Variants in CAMTA1 observed in about 807,000 individuals in gnomAD.
The protein encoded by CAMTA1 is calmodulin-binding transcription activator 1.
Under a neutral mutation model 170.9 loss-of-function variants are expected in CAMTA1, and 27 were observed. The ratio of observed to expected loss-of-function variants is 0.16; its 90% CI spans 0.12 to 0.22. CAMTA1 has a LOEUF of 0.22. Among genes scored for constraint, CAMTA1 ranks in the 10% least tolerant of loss-of-function variants. The probability of loss-of-function intolerance (pLI) is 1.00; values close to 1 mark genes in which losing one functional copy is unlikely to be tolerated. For missense variants in CAMTA1, 1,619 were observed against 2,217.2 expected (o/e 0.73, Z 5.42); for synonymous variants, 833 against 891.5 (o/e 0.93, Z 1.17).
chr1:7,236,131 C>T (rs1488578810), intron 4 of CAMTA1, among the ~76,000 whole-genome samples: 1 of 152,098 alleles, frequency 6.6e-6, no homozygotes, highest in Non-Finnish European at 1.5e-5. Context: ...TCGTGAAGAC[C>T]CCTGTAAACA....
At chr1:7,625,655 C>A (rs2095628459) in intron 6 of CAMTA1, among the ~76,000 whole-genome samples, 1 of 152,266 alleles carries the variant, frequency 6.6e-6, no homozygotes, top group Non-Finnish European at 1.5e-5. Context: ...TCGCAATGGG[C>A]TGGCATAGGG....
rs938820329 is a variant in CAMTA1, at chr1:7,455,816, C to T, written c.439-12014C>T. On this transcript the variant is annotated intron_variant, in intron 5 of 22. Coordinates refer to ENST00000303635, the MANE Select transcript of CAMTA1 (RefSeq NM_015215.4). The surrounding 1 kb of genome is among the most constrained non-coding windows in gnomAD (Gnocchi z 5.0). ...GATTTCTGGGCAGCACTTGGCCCTC[C>T]GTGCCGTCCAGAATGGCCTCGGGGA... Among the ~76,000 whole-genome samples, 1 of 152,234 alleles carries T rather than the reference C, an allele frequency of 6.6e-6. No individual in the cohort carries two copies. Among genetic ancestry groups the T allele is most frequent in the Non-Finnish European group, 1.5e-5 (1 of 68,044 alleles).
intron 5 of CAMTA1, among the ~76,000 whole-genome samples, chr1:7,432,360 A>G (rs1463419807): frequency 6.6e-6 from 1 of 152,188 alleles, no homozygotes; most frequent in Non-Finnish European, 1.5e-5. Context: ...CTAACTATAA[A>G]TTGGTGTCCC....
At chr1:7,491,425 C>T (rs7549997) in intron 6 of CAMTA1, among the ~76,000 whole-genome samples, 6,515 of 152,260 alleles carry the variant, frequency 0.043, 451 homozygotes, top group African/African-American at 0.15. Flanking sequence ...TGAATCCCCC[C>T]GCCCATGTTT....
chr1:7,536,719 C>G (rs1457518381), intron 6 of CAMTA1, among the ~76,000 whole-genome samples: 1 of 152,138 alleles, frequency 6.6e-6, no homozygotes, highest in Non-Finnish European at 1.5e-5. Flanking sequence ...GCTTTCTGCA[C>G]GGCAGGCGCG....
intron 4 of CAMTA1, among the ~76,000 whole-genome samples, chr1:7,149,114 C>T (rs1244503267): frequency 2.6e-5 from 4 of 152,174 alleles, no homozygotes; most frequent in Non-Finnish European, 5.9e-5. Flanking sequence ...AGGGGCTTCT[C>T]TGGGGGTGGG....
At chr1:7,017,778 C>T (rs1700763193) in intron 3 of CAMTA1, among the ~76,000 whole-genome samples, 1 of 152,140 alleles carries the variant, frequency 6.6e-6, no homozygotes. Context: ...TGGGTGGTGC[C>T]CAAGCCTGAC....
intron 9 of CAMTA1, among the ~76,000 whole-genome samples, chr1:7,668,468 A>G (rs2096023771): frequency 6.9e-6 from 1 of 145,702 alleles, no homozygotes; most frequent in Non-Finnish European, 1.5e-5. Flanking sequence ...CCTATGCCCC[A>G]GCATCTGCCC....
chr1:6,882,729 A>T (rs536988046), intron 3 of CAMTA1, among the ~76,000 whole-genome samples: 20 of 152,164 alleles, frequency 1.3e-4, no homozygotes, highest in African/African-American at 4.6e-4. Context: ...TGTTTTCAGC[A>T]TATAGGGGGT....
chr1:6,880,211 C>T (rs1177845601), intron 3 of CAMTA1, among the ~76,000 whole-genome samples: 1 of 151,616 alleles, frequency 6.6e-6, no homozygotes, highest in Non-Finnish European at 1.5e-5. Flanking sequence ...GTAGCTGGGA[C>T]CAGAGGTGCA....
At chr1:7,356,315 C>T (rs569407832) in intron 5 of CAMTA1, among the ~76,000 whole-genome samples, 15 of 152,338 alleles carry the variant, frequency 9.8e-5, no homozygotes, top group African/African-American at 3.4e-4. Flanking sequence ...TGCCCTTGGC[C>T]GACAGGCTGG....
chr1:6,822,168 G>A (rs1403165042), intron 2 of CAMTA1, among the ~76,000 whole-genome samples: 1 of 152,186 alleles, frequency 6.6e-6, no homozygotes, highest in Non-Finnish European at 1.5e-5. Context: ...GTGGAAACCA[G>A]TATATGCCTT....
chr1:7,601,989 G>GAGA (rs2095447862), intron 6 of CAMTA1, among the ~76,000 whole-genome samples: 2 of 116,482 alleles, frequency 1.7e-5, no homozygotes, highest in African/African-American at 7.1e-5. Flanking sequence ...GGGAGACCGT[G>GAGA]GGGAGAGGGA....
chr1:7,437,796 C>T (rs2092394274), intron 5 of CAMTA1, among the ~76,000 whole-genome samples: 3 of 152,332 alleles, frequency 2.0e-5, no homozygotes, highest in South Asian at 2.1e-4. Context: ...GGCCAGCAGG[C>T]GCATTCACTC....
chr1:6,809,305 A>G (rs669470), intron 1 of CAMTA1, among the ~76,000 whole-genome samples: 150,577 of 152,268 alleles, frequency 0.99, 74,470 homozygotes, highest in Middle Eastern at 1. Context: ...AGGATTACAG[A>G]CGTGAGCCAC....
chr1:7,053,973 G>A (rs6700922), intron 3 of CAMTA1, among the ~76,000 whole-genome samples: 38,557 of 152,150 alleles, frequency 0.25, 5,223 homozygotes, highest in East Asian at 0.54. Context: ...GCCCATTTTG[G>A]GGACTTGCTG....
intron 3 of CAMTA1, among the ~76,000 whole-genome samples, chr1:6,906,795 T>A (rs1234861462): frequency 6.6e-6 from 1 of 152,182 alleles, no homozygotes; most frequent in Admixed American, 6.5e-5. Flanking sequence ...AAGAGGAAGG[T>A]GCTAAATGAA....
intron 12 of CAMTA1, among the ~76,000 whole-genome samples, chr1:7,735,045 A>G (rs768952391): frequency 1.3e-5 from 2 of 152,162 alleles, no homozygotes; most frequent in African/African-American, 2.4e-5. Flanking sequence ...TCTCTTTCCT[A>G]TAGCCCTTAT....
chr1:7,306,776 A>G (rs1322391315), intron 5 of CAMTA1, among the ~76,000 whole-genome samples: 2 of 151,922 alleles, frequency 1.3e-5, no homozygotes, highest in African/African-American at 4.8e-5. Context: ...ACCGCAGTAC[A>G]ATCAGCTCTC....
Sources: allele counts gnomAD v4.1 joint callset (sites outside exome capture counted in the v4.1 genomes callset), GRCh38; gene constraint gnomAD v4.1.1; non-coding constraint Gnocchi (gnomAD v3.1); transcripts MANE v1.5; gene names NCBI Gene and HGNC (gene_info 2026-07-23, HGNC 2026-07-21).